The following PAM variants were observed in gnomAD, a reference collection of about 807,000 sequenced individuals.
PAM encodes the protein peptidylglycine alpha-amidating monooxygenase.
PAM carries 72 observed loss-of-function variants against 122.1 expected under a neutral mutation model. The ratio of observed to expected loss-of-function variants is 0.59; its 90% CI spans 0.49 to 0.72. The LOEUF (loss-of-function observed/expected upper bound fraction) is 0.72. PAM is among the 30% of genes least tolerant of loss of function. The pLI is 0.00. For synonymous variants in PAM, 389 were observed against 404.4 expected, an observed-to-expected ratio of 0.96 and a Z score of 0.46; for missense variants, 1,106 against 1,183.7, an observed-to-expected ratio of 0.93 and a Z score of 0.96.
intron 1 of PAM, among the ~76,000 whole-genome samples, chr5:102,783,918 G>A (rs748201280): frequency 2.0e-4 from 29 of 146,818 alleles, no homozygotes; most frequent in Admixed American, 9.5e-4. Context: ...TTTTTTTGAG[G>A]TGGAGTCTCG....
At chr5:103,019,962 A>C (rs1260974135) in intron 23 of PAM, 119 bp downstream of exon 23, 1 of 754,028 alleles carries the variant, frequency 1.3e-6, no homozygotes, top group Non-Finnish European at 2.4e-6. Flanking sequence ...GTAAATTATC[A>C]GTGACTTCTG....
intron 1 of PAM, among the ~76,000 whole-genome samples, chr5:102,828,918 G>GT (rs58045947): frequency 0.018 from 2,205 of 125,978 alleles, 50 homozygotes; most frequent in East Asian, 0.06. Flanking sequence ...CTACCTCAGG[G>GT]TTTTTTTTTT....
chr5:102,805,270 A>G (rs974470929), intron 1 of PAM, among the ~76,000 whole-genome samples: 4 of 151,728 alleles, frequency 2.6e-5, no homozygotes, highest in Admixed American at 6.6e-5. Flanking sequence ...GGCTTTCACC[A>G]TATTGGCCAG....
intron 12 of PAM, among the ~76,000 whole-genome samples, chr5:102,958,799 T>C (rs1343094407): frequency 6.6e-6 from 1 of 152,170 alleles, no homozygotes. Flanking sequence ...GTCATACTGT[T>C]GCTATGGAGA....
intron 1 of PAM, among the ~76,000 whole-genome samples, chr5:102,762,504 T>A (rs957489911): frequency 6.6e-6 from 1 of 152,152 alleles, no homozygotes; most frequent in Non-Finnish European, 1.5e-5. Flanking sequence ...TGGGTTTCAA[T>A]GAGTGGAAGC....
chr5:102,923,168 C>T (rs1038476183), intron 5 of PAM, among the ~76,000 whole-genome samples: 12 of 152,206 alleles, frequency 7.9e-5, no homozygotes, highest in Non-Finnish European at 1.6e-4. Flanking sequence ...CCCCTTAATT[C>T]AGACAGATAA....
At chr5:102,772,269 A>G (rs1471023595) in intron 1 of PAM, among the ~76,000 whole-genome samples, 1 of 152,086 alleles carries the variant, frequency 6.6e-6, no homozygotes, top group Non-Finnish European at 1.5e-5. Flanking sequence ...TACCTAGAGT[A>G]CCTCTAATGT....
rs143027887 is a variant in PAM at position 102,827,352 on chromosome 5, C to T, written c.-373-38471C>T. 7.0e-3 allele frequency among the ~76,000 whole-genome samples: 1,061 copies of T among 152,268 alleles called. 9 individuals are homozygous for T. Among genetic ancestry groups the T allele is most frequent in the Non-Finnish European group, 0.013 (885 of 68,014 alleles). ...ATCCAAAACCTGAAACCCTTCTGGT[C>T]CCAAACATTTTCTTGATAAAGGATA... On this transcript the variant is annotated intron_variant, in intron 1 of 25. Transcript: ENST00000438793.
chr5:103,002,958 T>C, intron 16 of PAM, 75 bp from the exon 17 acceptor site: 1 of 742,126 alleles, frequency 1.3e-6, no homozygotes, highest in Non-Finnish European at 2.5e-6. Context: ...TTTGTATTTA[T>C]GTGAATGGTC....
intron 14 of PAM, among the ~76,000 whole-genome samples, chr5:102,967,510 C>A (rs1764461185): frequency 6.6e-6 from 1 of 152,162 alleles, no homozygotes; most frequent in Non-Finnish European, 1.5e-5. Flanking sequence ...TATTGAGTAT[C>A]TGCTAGGATA....
chr5:102,989,368 A>G (rs943052687), intron 15 of PAM, among the ~76,000 whole-genome samples: 5 of 151,988 alleles, frequency 3.3e-5, no homozygotes, highest in African/African-American at 1.2e-4. Flanking sequence ...TTAACTGGGC[A>G]TAGTAGTGCA....
intron 1 of PAM, among the ~76,000 whole-genome samples, chr5:102,795,360 C>T (rs1035515816): frequency 6.6e-6 from 1 of 151,966 alleles, no homozygotes; most frequent in Non-Finnish European, 1.5e-5. Flanking sequence ...TTTGCAGGAA[C>T]CAAATGAGAC....
chr5:103,028,924 T>G lies in PAM; in HGVS notation c.2781T>G (p.Phe927Leu), dbSNP rs764680594. The part of the protein sequence containing the change: ...GSGGLNLGNF[F>L]ASRKGYSRKG... ...GAGGCTTAAACCTTGGTAATTTCTTTGCAAGCCGTAAGGGCTACAGTCGAA... is the reference window on the plus strand; with the variant it reads ...GAGGCTTAAACCTTGGTAATTTCTTGGCAAGCCGTAAGGGCTACAGTCGAA... Residue 927 changes from phenylalanine to leucine, a missense_variant, in exon 26 of 26, where the codon TTT (phenylalanine) becomes TTG (leucine). By Grantham distance (22) the Phe-to-Leu change is conservative (BLOSUM62 0). Transcript: ENST00000438793. 1 of 1,612,162 alleles carries G rather than the reference T, an allele frequency of 6.2e-7. No homozygotes were observed. Among genetic ancestry groups the G allele is most frequent in the Admixed American group, 1.7e-5 (1 of 59,608 alleles).
At chr5:102,917,707 A>C (rs1237102405) in intron 5 of PAM, among the ~76,000 whole-genome samples, 1 of 152,154 alleles carries the variant, frequency 6.6e-6, no homozygotes, top group African/African-American at 2.4e-5. Context: ...ATGAAGTTAT[A>C]ATTCATCTTC....
chr5:103,027,401 C>T (rs1785257054), intron 24 of PAM, among the ~76,000 whole-genome samples: 1 of 152,152 alleles, frequency 6.6e-6, no homozygotes, highest in Non-Finnish European at 1.5e-5. Flanking sequence ...GGTTAAAGAC[C>T]TAACAGGACA....
chr5:102,936,647 A>G (rs1753350505), intron 7 of PAM, among the ~76,000 whole-genome samples: 1 of 152,162 alleles, frequency 6.6e-6, no homozygotes, highest in Non-Finnish European at 1.5e-5. Flanking sequence ...GCTTATATGG[A>G]GTTAATAATG....
chr5:102,846,918 C>A (rs955550186), intron 1 of PAM, among the ~76,000 whole-genome samples: 2 of 152,144 alleles, frequency 1.3e-5, no homozygotes, highest in Admixed American at 1.3e-4. Context: ...TTCTTCTTTT[C>A]AAATTAGCAG....
intron 3 of PAM, among the ~76,000 whole-genome samples, chr5:102,868,559 G>A (rs1201464584): frequency 7.2e-5 from 11 of 152,092 alleles, no homozygotes; most frequent in Admixed American, 5.9e-4. Context: ...GTATTTAACC[G>A]CAAAAAGTGT....
chr5:102,842,805 G>A (rs1027359659), intron 1 of PAM, among the ~76,000 whole-genome samples: 11 of 152,118 alleles, frequency 7.2e-5, no homozygotes, highest in Admixed American at 3.9e-4. Context: ...AAAAAGCAAA[G>A]AATTAATGCA....
Sources: allele counts gnomAD v4.1 joint callset (sites outside exome capture counted in the v4.1 genomes callset), GRCh38; gene constraint gnomAD v4.1.1; transcripts MANE v1.5; gene names NCBI Gene and HGNC (gene_info 2026-07-23, HGNC 2026-07-21).